The following NELL2 variants were observed in gnomAD, a reference collection of about 807,000 sequenced individuals.
The protein encoded by NELL2 is protein kinase C-binding protein NELL2.
A neutral mutation model predicts 109.6 loss-of-function variants in NELL2; 41 were observed. The ratio of observed to expected loss-of-function variants is 0.37; its 90% CI spans 0.29 to 0.49. The LOEUF (loss-of-function observed/expected upper bound fraction) is 0.49. Ranked by LOEUF, NELL2 falls within the 20% of genes least tolerant of loss-of-function variation. NELL2 has a pLI of 0.98. For synonymous variants in NELL2, 355 were observed against 344.7 expected, an observed-to-expected ratio of 1.03 and a Z score of -0.33; for missense variants, 900 against 1,008.3, an observed-to-expected ratio of 0.89 and a Z score of 1.45.
In NELL2 at chr12:44,828,900, A is replaced by G. The variant is rs74553469; in HGVS notation, c.185-12764T>C. On this transcript the variant is annotated intron_variant, in intron 2 of 19. Coordinates refer to ENST00000429094, the MANE Select transcript of NELL2 (RefSeq NM_001145108.2). ...CTAGAGTGTATTTTCCTCCAGAGAC[A>G]GTAGTAATGATCAACCACAATAAGT... 3.9e-5 allele frequency among the ~76,000 whole-genome samples: 6 copies of G among 152,332 alleles called. No homozygotes were observed. In the East Asian group the frequency reaches 9.6e-4, roughly 24 times the overall value.
chr12:44,562,519 C>T (rs2136183987), intron 15 of NELL2, among the ~76,000 whole-genome samples: 1 of 152,282 alleles, frequency 6.6e-6, no homozygotes, highest in East Asian at 1.9e-4. Context: ...TATGAACAGA[C>T]ACTTCTCAAA....
intron 9 of NELL2, among the ~76,000 whole-genome samples, chr12:44,746,194 G>T (rs1940340264): frequency 6.6e-6 from 1 of 152,126 alleles, no homozygotes; most frequent in Admixed American, 6.5e-5. Context: ...ACAAGAAATG[G>T]GAAAAGGATT....
chr12:44,834,546 GC>G (rs1943992068), intron 2 of NELL2, among the ~76,000 whole-genome samples: 1 of 151,808 alleles, frequency 6.6e-6, no homozygotes, highest in East Asian at 1.9e-4. Flanking sequence ...TACCCAGGGG[GC>G]CAGGCCCAGT....
chr12:44,873,004 C>A (rs563917629), intron 2 of NELL2, among the ~76,000 whole-genome samples: 1 of 152,134 alleles, frequency 6.6e-6, no homozygotes, highest in East Asian at 1.9e-4. Context: ...CAAGGTAATG[C>A]GAAATTCCAT....
At chr12:44,809,425 C>T (rs1162404600) in intron 3 of NELL2, among the ~76,000 whole-genome samples, 1 of 152,022 alleles carries the variant, frequency 6.6e-6, no homozygotes, top group Non-Finnish European at 1.5e-5. Context: ...GAGAGAACTC[C>T]TTTAATCAGC....
At chr12:44,782,759 T>C (rs994523675) in intron 3 of NELL2, among the ~76,000 whole-genome samples, 8 of 151,988 alleles carry the variant, frequency 5.3e-5, no homozygotes, top group African/African-American at 1.4e-4. Flanking sequence ...CAAAAACTGA[T>C]AGAATTGAAA....
At chr12:44,566,468 C>T (rs532072187) in intron 15 of NELL2, among the ~76,000 whole-genome samples, 1 of 151,490 alleles carries the variant, frequency 6.6e-6, no homozygotes, top group Non-Finnish European at 1.5e-5. Context: ...GAAAATAAAA[C>T]AAGATATTAA....
At chr12:44,545,203 C>G (rs1462494906) in intron 15 of NELL2, among the ~76,000 whole-genome samples, 1 of 151,936 alleles carries the variant, frequency 6.6e-6, no homozygotes, top group East Asian at 1.9e-4. Context: ...TCTGGAAACT[C>G]CTTAAGACTT....
chr12:44,519,915 C>T (rs59255697), intron 19 of NELL2, 90 bp downstream of exon 19: 57,217 of 1,104,584 alleles, frequency 0.052, 2,272 homozygotes, highest in African/African-American at 0.18. Context: ...AAAAAAAAAC[C>T]TTCCTATTGT....
intron 12 of NELL2, among the ~76,000 whole-genome samples, chr12:44,681,863 T>C (rs1015735368): frequency 4.6e-5 from 7 of 151,708 alleles, no homozygotes; most frequent in African/African-American, 1.7e-4. Flanking sequence ...TTGTGAATAA[T>C]GCCGCAATAA....
At chr12:44,836,423 A>C (rs1438064413) in intron 2 of NELL2, among the ~76,000 whole-genome samples, 5 of 152,132 alleles carry the variant, frequency 3.3e-5, no homozygotes, top group African/African-American at 7.2e-5. Flanking sequence ...CCACACTCAA[A>C]CTTCCCACGT....
At chr12:44,516,135 AT>A (rs1412503736) in intron 19 of NELL2, among the ~76,000 whole-genome samples, 18 of 152,068 alleles carry the variant, frequency 1.2e-4, no homozygotes, top group African/African-American at 4.3e-4. Flanking sequence ...GAATAATAAT[AT>A]ATGATCTTCT....
chr12:44,871,735 A>T (rs1023564249), intron 2 of NELL2, among the ~76,000 whole-genome samples: 1 of 152,184 alleles, frequency 6.6e-6, no homozygotes, highest in Non-Finnish European at 1.5e-5. Context: ...CCAAATGCCT[A>T]TTTCACTCTG....
chr12:44,513,684 C>T (rs1025050237), intron 19 of NELL2, among the ~76,000 whole-genome samples: 2 of 151,650 alleles, frequency 1.3e-5, no homozygotes, highest in African/African-American at 4.8e-5. Context: ...GAAGAAAAAG[C>T]CAGTAAATTT....
intron 5 of NELL2, among the ~76,000 whole-genome samples, chr12:44,778,127 A>G (rs1941822546): frequency 6.6e-6 from 1 of 152,094 alleles, no homozygotes; most frequent in South Asian, 2.1e-4. Flanking sequence ...TTAAATTAAT[A>G]TTTTACTTTA....
intron 15 of NELL2, among the ~76,000 whole-genome samples, chr12:44,571,419 T>C (rs1943868634): frequency 6.6e-6 from 1 of 152,158 alleles, no homozygotes; most frequent in Non-Finnish European, 1.5e-5. Context: ...TGAAATGGTA[T>C]ATGGTGAAAG....
intron 2 of NELL2, among the ~76,000 whole-genome samples, chr12:44,845,134 T>C (rs894276020): frequency 2.0e-5 from 3 of 152,184 alleles, no homozygotes; most frequent in African/African-American, 7.2e-5. Flanking sequence ...CTTGTAACTT[T>C]AGAAATTGTC....
intron 3 of NELL2, among the ~76,000 whole-genome samples, chr12:44,784,913 A>T (rs7967244): frequency 0.038 from 5,825 of 152,286 alleles, 375 homozygotes; most frequent in African/African-American, 0.13. Flanking sequence ...TGACAAACCC[A>T]TAGCCAACAT....
At chr12:44,677,394 T>G (rs1026317001) in intron 12 of NELL2, among the ~76,000 whole-genome samples, 31 of 152,204 alleles carry the variant, frequency 2.0e-4, no homozygotes, top group African/African-American at 7.2e-4. Context: ...AAAGTAAATC[T>G]GAGTCATAGT....
Sources: gnomAD v4.1 joint callset for allele counts (sites outside exome capture counted in the v4.1 genomes callset) on GRCh38, gnomAD v4.1.1 for gene constraint, MANE v1.5 for transcripts, NCBI Gene and HGNC (gene_info 2026-07-23, HGNC 2026-07-21) for gene names.